The following ZNF609 variants were observed in gnomAD, a reference collection of about 807,000 sequenced individuals.
ZNF609 encodes zinc finger protein 609.
In ZNF609, 11 loss-of-function variants were observed where a neutral mutation model predicts 109.5. The observed-to-expected ratio is 0.10, with a 90% CI of 0.06 to 0.17. ZNF609 has a LOEUF of 0.17. Ranked by LOEUF, ZNF609 falls within the 10% of genes least tolerant of loss-of-function variation. The probability of loss-of-function intolerance (pLI) is 1.00; values close to 1 mark genes in which losing one functional copy is unlikely to be tolerated. For synonymous variants in ZNF609, 646 were observed against 662.0 expected, an observed-to-expected ratio of 0.98 and a Z score of 0.37; for missense variants, 1,559 against 1,772.4, an observed-to-expected ratio of 0.88 and a Z score of 2.16.
At chr15:64,531,884 C>G (rs1220188122) in intron 2 of ZNF609, among the ~76,000 whole-genome samples, 1 of 152,192 alleles carries the variant, frequency 6.6e-6, no homozygotes, top group Non-Finnish European at 1.5e-5. Context: ...CTGTTCTTAG[C>G]ACAGCAGCCA....
At chr15:64,600,659 A>T (rs1300050840) in intron 2 of ZNF609, among the ~76,000 whole-genome samples, 1 of 9,850 alleles carries the variant, frequency 1.0e-4, no homozygotes. Flanking sequence ...GAAAGCAGGG[A>T]TGGCGGGGGT....
chr15:64,595,173 A>G (rs1895371425), intron 2 of ZNF609, among the ~76,000 whole-genome samples: 1 of 151,162 alleles, frequency 6.6e-6, no homozygotes, highest in Non-Finnish European at 1.5e-5. Context: ...CACCCTGGCC[A>G]ACATGGTGAA....
In ZNF609 at chr15:64,678,161, T is replaced by C; in HGVS notation, c.3448T>C (p.Ser1150Pro). 1 of 1,613,820 alleles carries C rather than the reference T, an allele frequency of 6.2e-7. No individual in the cohort carries two copies. Among genetic ancestry groups the C allele is most frequent in the Non-Finnish European group, 8.5e-7 (1 of 1,179,840 alleles). ...GACATATGTTTATCCTGCCAAGTAC[T>C]CAGACATCAAGTCAGAGGATGAGCG... ...MWTYVYPAKY[S>P]DIKSEDERWK... is the part of the protein sequence containing the mutation. The change falls in exon 6 of 10, where the codon TCA becomes CCA. Residue 1150 changes from serine to proline, a missense_variant. This residue lies in a region of ZNF609 where 1,204 missense variants were observed against 1,314.1 expected (regional missense o/e 0.92). Coordinates refer to ENST00000326648, the MANE Select transcript of ZNF609 (RefSeq NM_015042.2).
chr15:64,595,102 G>A lies in ZNF609; in HGVS notation c.748-27725G>A, dbSNP rs549082387. The stretch of plus-strand genomic sequence containing the variant: ...GGGCCGGGCGCGGTGGCTCGTGCCT[G>A]TAATCTCAGTACTTTGGGAGGCTAA... On this transcript the variant is annotated intron_variant, in intron 2 of 9. Transcript: ENST00000326648. 2.6e-5 allele frequency among the ~76,000 whole-genome samples: 4 copies of A among 151,936 alleles called. No homozygotes were observed. In the South Asian group the frequency reaches 8.3e-4, roughly 32 times the overall value.
intron 2 of ZNF609, among the ~76,000 whole-genome samples, chr15:64,598,304 C>T (rs894987486): frequency 2.6e-5 from 4 of 151,948 alleles, no homozygotes; most frequent in Admixed American, 6.6e-5. Context: ...TTGATAGAGA[C>T]AGGTTTTCAC....
chr15:64,681,702 C>G lies in ZNF609; in HGVS notation c.*16C>G. The G allele has an allele frequency of 4.0e-6, 1 of 252,672 alleles. No individual in the cohort carries two copies. Among genetic ancestry groups the G allele is most frequent in the Non-Finnish European group, 7.7e-6 (1 of 130,478 alleles). The allele number at this position is 252,672 out of a possible 1,614,324, so 15.7% of individuals were successfully genotyped here. A position where few individuals can be genotyped will look rare whatever the true frequency, so the allele number is the denominator to read the frequency against. ...ATGTTTCCCTTGCAGACACCAAGTGCCCGGATAAAGTCAGCTTCACGGGCC... is the reference window on the plus strand; with the variant it reads ...ATGTTTCCCTTGCAGACACCAAGTGGCCGGATAAAGTCAGCTTCACGGGCC... On this transcript the variant is annotated 3_prime_UTR_variant, in exon 10 of 10. Transcript: ENST00000326648.
intron 1 of ZNF609, among the ~76,000 whole-genome samples, chr15:64,496,292 C>G (rs1177423180): frequency 2.6e-5 from 4 of 152,170 alleles, no homozygotes; most frequent in Non-Finnish European, 5.9e-5. Flanking sequence ...CGTTACCATT[C>G]TATTTTCTAG....
chr15:64,646,168 A>G (rs961897228), intron 3 of ZNF609, among the ~76,000 whole-genome samples: 2 of 152,218 alleles, frequency 1.3e-5, no homozygotes, highest in East Asian at 1.9e-4. Flanking sequence ...ACAATGTGGT[A>G]TAGCCATACA....
intron 3 of ZNF609, among the ~76,000 whole-genome samples, chr15:64,647,514 C>T (rs1896353035): frequency 6.6e-6 from 1 of 151,862 alleles, no homozygotes; most frequent in South Asian, 2.1e-4. Context: ...ATTTTTGTTG[C>T]TTCTTTTATT....
chr15:64,600,521 C>T (rs1895479709), intron 2 of ZNF609, among the ~76,000 whole-genome samples: 1 of 150,602 alleles, frequency 6.6e-6, no homozygotes. Context: ...CCTGTAGTCC[C>T]AGCTCCTCGA....
chr15:64,550,006 C>T (rs1894438876), intron 2 of ZNF609, among the ~76,000 whole-genome samples: 1 of 152,074 alleles, frequency 6.6e-6, no homozygotes, highest in African/African-American at 2.4e-5. Context: ...CTATATTGCC[C>T]AGGCTGGAGT....
chr15:64,554,492 A>C (rs528667380), intron 2 of ZNF609, among the ~76,000 whole-genome samples: 128 of 151,974 alleles, frequency 8.4e-4, no homozygotes, highest in African/African-American at 2.8e-3. Context: ...AAAACAAAAC[A>C]AAACCACAAA....
chr15:64,651,920 C>G (rs979845206), intron 3 of ZNF609, among the ~76,000 whole-genome samples: 2 of 152,104 alleles, frequency 1.3e-5, no homozygotes, highest in Admixed American at 6.5e-5. Context: ...CTCTCACTAT[C>G]TCATTAACCA....
At position 64,680,165 on chromosome 15, in the gene ZNF609, T is replaced by C. The variant is rs1331487949; in HGVS notation, c.3770-20T>C. The C allele has an allele frequency of 2.5e-6, 4 of 1,612,988 alleles. No homozygotes were observed. The highest frequency in any genetic ancestry group is 3.4e-6 in the Non-Finnish European group (4 of 1,179,096). ...TCTACCTCTCCCATCTCTTTGACTGTTTGATTTCTCCTTCCACAGGTTCCT... is the reference window on the plus strand; with the variant it reads ...TCTACCTCTCCCATCTCTTTGACTGCTTGATTTCTCCTTCCACAGGTTCCT... On this transcript the variant is annotated intron_variant, in intron 6 of 9. Coordinates refer to ENST00000326648, the MANE Select transcript of ZNF609 (RefSeq NM_015042.2).
chr15:64,512,108 G>T (rs1010561711), intron 2 of ZNF609, among the ~76,000 whole-genome samples: 3 of 151,852 alleles, frequency 2.0e-5, no homozygotes, highest in African/African-American at 7.3e-5. Flanking sequence ...TCATTGCTCA[G>T]TGTACAGGAT....
At chr15:64,538,980 A>G (rs1235449296) in intron 2 of ZNF609, among the ~76,000 whole-genome samples, 2 of 151,990 alleles carry the variant, frequency 1.3e-5, no homozygotes, top group Non-Finnish European at 2.9e-5. Flanking sequence ...GGCTACATGC[A>G]TGCACCACCA....
intron 2 of ZNF609, among the ~76,000 whole-genome samples, chr15:64,605,588 T>C (rs1403865707): frequency 6.6e-6 from 1 of 152,240 alleles, no homozygotes; most frequent in African/African-American, 2.4e-5. Flanking sequence ...ATTCAGTTAA[T>C]CATTACAATG....
At chr15:64,657,129 C>T (rs539668879) in intron 3 of ZNF609, among the ~76,000 whole-genome samples, 3 of 151,830 alleles carry the variant, frequency 2.0e-5, no homozygotes, top group Admixed American at 2.0e-4. Flanking sequence ...CATGGTGATG[C>T]GTGCCTGTAG....
intron 2 of ZNF609, among the ~76,000 whole-genome samples, chr15:64,580,753 G>A (rs993142742): frequency 1.2e-4 from 18 of 151,554 alleles, no homozygotes; most frequent in African/African-American, 4.4e-4. Flanking sequence ...GGCTGGTCTC[G>A]AACTCCTGAC....
Sources: allele counts gnomAD v4.1 joint callset (sites outside exome capture counted in the v4.1 genomes callset), GRCh38; gene constraint gnomAD v4.1.1; regional missense constraint gnomAD v4.1.1; transcripts MANE v1.5; gene names NCBI Gene and HGNC (gene_info 2026-07-23, HGNC 2026-07-21).